Variants in FAAH2 observed in about 807,000 individuals in gnomAD.
FAAH2 encodes the protein fatty acid amide hydrolase 2, also known as fatty-acid amide hydrolase 2.
In FAAH2, 60 loss-of-function variants were observed where a neutral mutation model predicts 36.9. The ratio of observed to expected loss-of-function variants is 1.63; its 90% confidence interval spans 1.32 to 2.02. The LOEUF (loss-of-function observed/expected upper bound fraction) is 2.02, where lower values mean the gene tolerates loss of function less well. Among genes scored for constraint, FAAH2 ranks in the 30% most tolerant of loss-of-function variants. The pLI is 0.00. For synonymous variants in FAAH2, 214 were observed against 143.8 expected, an observed-to-expected ratio of 1.49 and a Z score of -3.49; for missense variants, 689 against 397.5, an observed-to-expected ratio of 1.73 and a Z score of -6.23.
chrX:57,384,027 A>G (rs1156438399), intron 7 of FAAH2, among the ~76,000 whole-genome samples: 2 of 111,940 alleles, frequency 1.8e-5, no homozygotes, highest in Non-Finnish European at 3.8e-5. Context: ...CCACACATCT[A>G]CAGCTATCTG....
the FAAH2 span, among the ~76,000 whole-genome samples, chrX:57,211,511 C>T: frequency 1.7e-4 from 19 of 111,727 alleles, no homozygotes; most frequent in Non-Finnish European, 2.8e-4. Flanking sequence ...TGGCCCATTG[C>T]CTGGGACACC....
chrX:57,212,452 A>G, the FAAH2 span, among the ~76,000 whole-genome samples: 1 of 112,589 alleles, frequency 8.9e-6, no homozygotes, highest in African/African-American at 3.2e-5. Flanking sequence ...AAATCTGAAA[A>G]GTAACAGAAT....
At chrX:57,479,419 A>G (rs1162708326) in intron 10 of FAAH2, among the ~76,000 whole-genome samples, 1 of 111,625 alleles carries the variant, frequency 9.0e-6, no homozygotes, top group Non-Finnish European at 1.9e-5. Context: ...TAGATATACA[A>G]TCATGTCATC....
At chrX:57,215,177 A>G in the FAAH2 span, among the ~76,000 whole-genome samples, 56 of 111,317 alleles carry the variant, frequency 5.0e-4, no homozygotes, top group Non-Finnish European at 9.2e-4. Context: ...CACTTCCCAA[A>G]AGAAGACATT....
chrX:57,302,869 G>C (rs924463459), intron 2 of FAAH2, among the ~76,000 whole-genome samples: 2 of 111,277 alleles, frequency 1.8e-5, no homozygotes, highest in Non-Finnish European at 3.8e-5. Context: ...CAAGGGTAAG[G>C]ATTTTTGGCT....
chrX:57,203,593 A>C, the FAAH2 span, among the ~76,000 whole-genome samples: 3 of 112,150 alleles, frequency 2.7e-5, no homozygotes, highest in Admixed American at 9.4e-5. Flanking sequence ...TACTTCTCGC[A>C]GGAGTCGGGA....
intron 8 of FAAH2, among the ~76,000 whole-genome samples, chrX:57,444,802 A>C (rs1421780839): frequency 3.6e-5 from 4 of 111,937 alleles, no homozygotes; most frequent in African/African-American, 6.5e-5. Context: ...ATTCTCATGC[A>C]TTTTCAGTTT....
chrX:57,393,018 C>T, intron 7 of FAAH2: 7 of 902,677 alleles, frequency 7.8e-6, no homozygotes, highest in South Asian at 2.0e-5. Context: ...TTGGAAGCTG[C>T]TGGGTGCTTG....
At chrX:57,170,870 A>ATT in the FAAH2 span, among the ~76,000 whole-genome samples, 11,967 of 103,322 alleles carry the variant, frequency 0.12, 1,713 homozygotes, top group African/African-American at 0.39. Flanking sequence ...ATGACCAGCT[A>ATT]TTTTTTTTTT....
chrX:57,332,879 G>T (rs1184038671), intron 4 of FAAH2, among the ~76,000 whole-genome samples: 1 of 111,510 alleles, frequency 9.0e-6, no homozygotes, highest in Non-Finnish European at 1.9e-5. Context: ...AACTTAGTAA[G>T]GTTTTACAAG....
At chrX:57,484,982 G>C (rs192862482) in intron 10 of FAAH2, among the ~76,000 whole-genome samples, 2 of 111,773 alleles carry the variant, frequency 1.8e-5, no homozygotes, top group Non-Finnish European at 3.8e-5. Context: ...GACCAGTCAG[G>C]TGGTGGGAAC....
At chrX:57,205,079 A>T in the FAAH2 span, among the ~76,000 whole-genome samples, 4 of 112,487 alleles carry the variant, frequency 3.6e-5, no homozygotes. Flanking sequence ...GTGTCCACAC[A>T]TACCTGTACA....
At chrX:57,479,177 G>A (rs1357576809) in intron 10 of FAAH2, among the ~76,000 whole-genome samples, 4 of 111,234 alleles carry the variant, frequency 3.6e-5, no homozygotes, top group Non-Finnish European at 7.5e-5. Flanking sequence ...GCAGTGGTTT[G>A]TAGTTCTCCT....
At chrX:57,353,960 G>A (rs2054096500) in intron 5 of FAAH2, among the ~76,000 whole-genome samples, 1 of 110,633 alleles carries the variant, frequency 9.0e-6, no homozygotes, top group African/African-American at 3.3e-5. Context: ...AGATGTTGGC[G>A]AGGATTTGGA....
the FAAH2 span, chrX:57,137,304 C>G: frequency 1.2e-5 from 9 of 758,486 alleles, no homozygotes; most frequent in Middle Eastern, 7.5e-4. Flanking sequence ...GGAGGGTCAA[C>G]AGGCGACTCG....
intron 5 of FAAH2, among the ~76,000 whole-genome samples, chrX:57,346,136 G>A (rs1458988396): frequency 1.8e-5 from 2 of 110,893 alleles, no homozygotes; most frequent in Admixed American, 9.6e-5. Context: ...TGTCTATCAG[G>A]TGCAATTAGT....
intron 2 of FAAH2, among the ~76,000 whole-genome samples, chrX:57,294,145 C>T (rs2052065254): frequency 9.0e-6 from 1 of 111,722 alleles, no homozygotes; most frequent in East Asian, 2.8e-4. Flanking sequence ...CCATCAATCC[C>T]TCAGTGTTAG....
At chrX:57,441,873 A>G (rs2056566428) in intron 8 of FAAH2, among the ~76,000 whole-genome samples, 1 of 111,666 alleles carries the variant, frequency 9.0e-6, no homozygotes, top group Non-Finnish European at 1.9e-5. Context: ...TGTACCCAGT[A>G]GTCATTCACG....
the FAAH2 span, among the ~76,000 whole-genome samples, chrX:57,128,398 A>G: frequency 8.9e-6 from 1 of 111,998 alleles, no homozygotes; most frequent in African/African-American, 3.2e-5. Flanking sequence ...AATGATAGCA[A>G]TGAGGACACA....
Sources: gnomAD v4.1 joint callset for allele counts (sites outside exome capture counted in the v4.1 genomes callset) on GRCh38, gnomAD v4.1.1 for gene constraint, MANE v1.5 for transcripts, NCBI Gene and HGNC (gene_info 2026-07-23, HGNC 2026-07-21) for gene names.